The following RAPGEF5 variants were observed in gnomAD, a reference collection of about 807,000 sequenced individuals.
RAPGEF5 encodes Rap guanine nucleotide exchange factor 5, also known as M-Ras-regulated GEF.
In RAPGEF5, 65 loss-of-function variants were observed where a neutral mutation model predicts 125.2. That is an observed-to-expected ratio of 0.52 (90% CI 0.43 to 0.64). RAPGEF5 has a LOEUF of 0.64. RAPGEF5 is among the 30% of genes least tolerant of loss of function. The probability of loss-of-function intolerance (pLI) is 0.00; values close to 1 mark genes in which losing one functional copy is unlikely to be tolerated. For missense variants in RAPGEF5, 958 were observed against 1,048.1 expected (o/e 0.91, Z 1.19); for synonymous variants, 391 against 385.9 (o/e 1.01, Z -0.16).
intron 9 of RAPGEF5, among the ~76,000 whole-genome samples, chr7:22,198,491 G>A (rs1002557565): frequency 9.9e-5 from 15 of 152,188 alleles, no homozygotes; most frequent in African/African-American, 2.4e-4. Context: ...AGATAGCACC[G>A]AGCCTTGGCC....
At chr7:22,280,449 G>A (rs1376632216) in intron 6 of RAPGEF5, among the ~76,000 whole-genome samples, 1 of 152,164 alleles carries the variant, frequency 6.6e-6, no homozygotes, top group Non-Finnish European at 1.5e-5. Flanking sequence ...GAGATGCTTT[G>A]AAGTGGATGG....
intron 7 of RAPGEF5, among the ~76,000 whole-genome samples, chr7:22,234,211 T>C (rs1310688699): frequency 6.6e-6 from 1 of 152,166 alleles, no homozygotes; most frequent in African/African-American, 2.4e-5. Flanking sequence ...AGTTCATAGA[T>C]TAATGTCAAA....
intron 6 of RAPGEF5, among the ~76,000 whole-genome samples, chr7:22,276,144 GTAA>G (rs796474649): frequency 2.1e-4 from 32 of 152,080 alleles, no homozygotes; most frequent in African/African-American, 7.2e-4. Context: ...AATTTTTGTT[GTAA>G]TAATAAAATA....
At chr7:22,275,138 T>C (rs1285593977) in intron 6 of RAPGEF5, among the ~76,000 whole-genome samples, 18 of 152,186 alleles carry the variant, frequency 1.2e-4, no homozygotes, top group Admixed American at 1.2e-3. Flanking sequence ...ACCCTTCAGA[T>C]CCCAACTTAG....
intron 11 of RAPGEF5, among the ~76,000 whole-genome samples, chr7:22,171,164 A>G (rs931677762): frequency 1.3e-5 from 2 of 152,178 alleles, no homozygotes; most frequent in African/African-American, 4.8e-5. Context: ...TCCCATTGGT[A>G]TTTAGAGATA....
At chr7:22,186,505 T>C (rs1399276671) in intron 11 of RAPGEF5, among the ~76,000 whole-genome samples, 1 of 152,208 alleles carries the variant, frequency 6.6e-6, no homozygotes, top group Non-Finnish European at 1.5e-5. Context: ...CAACCCATCA[T>C]CTAATATACA....
Position 22,152,691 on chromosome 7 carries a change from G to GA in RAPGEF5, c.1786+1763dup, listed in dbSNP as rs575287870. Among the ~76,000 whole-genome samples, 51 of 151,996 alleles carry GA rather than the reference G, an allele frequency of 3.4e-4. 1 individual carries two copies. In the South Asian group the frequency reaches 0.01, roughly 30 times the overall value. ...AAACTTTTTTTTTGACAAAAACAAA[G>GA]AAAAAACTCACCATTTCTTTTTGAA... On this transcript the variant is annotated intron_variant, in intron 17 of 25. Transcript: ENST00000665637.
chr7:22,317,798 C>T (rs918608490), intron 2 of RAPGEF5, among the ~76,000 whole-genome samples, 189 bp downstream of exon 2: 2 of 152,098 alleles, frequency 1.3e-5, no homozygotes. Context: ...TGAATCATGA[C>T]AATGATCAGA....
Position 22,125,593 on chromosome 7 carries a change from C to T in RAPGEF5, c.2536+11G>A. ...TCAATTTACATTCCGCACCTGACTT[C>T]AATTACTCACCAAACTGGTTAGTCC... is the stretch of plus-strand genomic sequence containing the variant. On this transcript the variant is annotated intron_variant, in intron 25 of 25. Coordinates refer to ENST00000665637, the MANE Select transcript of RAPGEF5 (RefSeq NM_012294.5). 3 of 1,605,988 alleles carry T rather than the reference C, an allele frequency of 1.9e-6. No homozygotes were observed. In the East Asian group the frequency reaches 6.7e-5, roughly 36 times the overall value.
At chr7:22,141,699 G>A (rs971713385) in intron 20 of RAPGEF5, among the ~76,000 whole-genome samples, 1 of 152,242 alleles carries the variant, frequency 6.6e-6, no homozygotes, top group Admixed American at 6.5e-5. Flanking sequence ...GCACCTTGCT[G>A]CTGAGCCTCC....
intron 13 of RAPGEF5, among the ~76,000 whole-genome samples, chr7:22,161,001 C>T (rs1006656776): frequency 1.3e-5 from 2 of 150,546 alleles, no homozygotes; most frequent in Admixed American, 6.6e-5. Flanking sequence ...TCGAGACCAT[C>T]ATGCCTAACA....
intron 6 of RAPGEF5, among the ~76,000 whole-genome samples, chr7:22,285,509 T>A (rs1668021835): frequency 1.3e-5 from 2 of 152,232 alleles, no homozygotes; most frequent in African/African-American, 4.8e-5. Context: ...GTTGTCAATG[T>A]TATTCAGCTA....
chr7:22,329,167 G>T (rs1783866548), intron 1 of RAPGEF5, among the ~76,000 whole-genome samples: 1 of 152,140 alleles, frequency 6.6e-6, no homozygotes, highest in Non-Finnish European at 1.5e-5. Flanking sequence ...ACCAACAACT[G>T]CACTCTTTCT....
chr7:22,186,934 T>C (rs1784842479), intron 11 of RAPGEF5, among the ~76,000 whole-genome samples: 1 of 152,242 alleles, frequency 6.6e-6, no homozygotes, highest in East Asian at 1.9e-4. Context: ...AGCTATTCTT[T>C]AGAAATGTTA....
rs1284954250 is a variant in RAPGEF5 at position 22,193,912 on chromosome 7, C to A, written c.1115+3G>T. On this transcript the variant is annotated splice_donor_region_variant and intron_variant, in intron 10 of 25. Coordinates refer to ENST00000665637, the MANE Select transcript of RAPGEF5 (RefSeq NM_012294.5). ...GCCTCTGTGGCTGCAGGGAAACTCTCACCTCCAATGGCTCTCCGCACTCCC... is the reference window on the plus strand; with the variant it reads ...GCCTCTGTGGCTGCAGGGAAACTCTAACCTCCAATGGCTCTCCGCACTCCC... 1 of 1,613,410 alleles carries A rather than the reference C, an allele frequency of 6.2e-7. No individual in the cohort carries two copies. Among genetic ancestry groups the A allele is most frequent in the Non-Finnish European group, 8.5e-7 (1 of 1,179,662 alleles).
intron 3 of RAPGEF5, among the ~76,000 whole-genome samples, chr7:22,312,355 T>C (rs1293130320): frequency 6.6e-6 from 1 of 152,136 alleles, no homozygotes; most frequent in African/African-American, 2.4e-5. Flanking sequence ...ATTACAGGCG[T>C]CTGCCACCAC....
At chr7:22,270,213 G>A (rs1220032179) in intron 6 of RAPGEF5, among the ~76,000 whole-genome samples, 3 of 152,196 alleles carry the variant, frequency 2.0e-5, no homozygotes, top group African/African-American at 4.8e-5. Flanking sequence ...CTGAATAAAA[G>A]CAAGCAGCTC....
At chr7:22,273,126 A>G (rs950795751) in intron 6 of RAPGEF5, among the ~76,000 whole-genome samples, 1 of 152,054 alleles carries the variant, frequency 6.6e-6, no homozygotes, top group Non-Finnish European at 1.5e-5. Flanking sequence ...AACTGCTGTC[A>G]TCACATCAAA....
rs1358744094 is a variant in RAPGEF5, at chr7:22,226,089, CTTAACT to C, written c.870+4751_870+4756del. Among the ~76,000 whole-genome samples, 9 of 152,284 alleles carry C rather than the reference CTTAACT, an allele frequency of 5.9e-5. 2 individuals are homozygous for C. In the Middle Eastern group the frequency reaches 0.01, roughly 173 times the overall value. ...TGTATTAAAACATTCTCTGCATTAT[CTTAACT>C]TTAACAACCACTTTTTCTAAAACAC... On this transcript the variant is annotated intron_variant, in intron 8 of 25. Transcript: ENST00000665637.
Sources: gnomAD v4.1 joint callset for allele counts (sites outside exome capture counted in the v4.1 genomes callset) on GRCh38, gnomAD v4.1.1 for gene constraint, MANE v1.5 for transcripts, NCBI Gene and HGNC (gene_info 2026-07-23, HGNC 2026-07-21) for gene names.